The following CDH20 variants were observed in gnomAD, a reference collection of about 807,000 sequenced individuals.
CDH20 encodes the protein cadherin-20.
In CDH20, 29 loss-of-function variants were observed where a neutral mutation model predicts 74.2. That is an observed-to-expected ratio of 0.39 (90% confidence interval 0.29 to 0.53). The LOEUF is 0.53. CDH20 is among the 20% of genes least tolerant of loss of function. CDH20 has a pLI of 0.69. For synonymous variants in CDH20, 469 were observed against 405.4 expected (o/e 1.16, Z -1.88); for missense variants, 988 against 1,048.3 (o/e 0.94, Z 0.79).
intron 4 of CDH20, among the ~76,000 whole-genome samples, chr18:61,501,092 G>C (rs1246006481): frequency 2.0e-5 from 3 of 152,208 alleles, no homozygotes; most frequent in Non-Finnish European, 2.9e-5. Flanking sequence ...GACAGGTTTT[G>C]ATGAGGGAGG....
intron 6 of CDH20, among the ~76,000 whole-genome samples, chr18:61,526,242 C>T (rs1912408320): frequency 6.6e-6 from 1 of 150,588 alleles, no homozygotes; most frequent in South Asian, 2.1e-4. Context: ...GATTCTCCTG[C>T]CTCAGCCTCC....
At chr18:61,401,839 C>T (rs1239948821) in intron 1 of CDH20, among the ~76,000 whole-genome samples, 1 of 152,146 alleles carries the variant, frequency 6.6e-6, no homozygotes, top group Non-Finnish European at 1.5e-5. Flanking sequence ...TTACAAGAGA[C>T]TCTCCTTCAG....
intron 7 of CDH20, among the ~76,000 whole-genome samples, chr18:61,532,247 T>G (rs1912671268): frequency 6.6e-6 from 1 of 152,152 alleles, no homozygotes; most frequent in African/African-American, 2.4e-5. Context: ...TGAGTCCATA[T>G]AGGTGATGTG....
chr18:61,365,372 G>A (rs1041936142), intron 1 of CDH20, among the ~76,000 whole-genome samples: 2 of 152,164 alleles, frequency 1.3e-5, no homozygotes, highest in African/African-American at 4.8e-5. Flanking sequence ...AATGGTCCCA[G>A]ATGCTATGGG....
intron 1 of CDH20, among the ~76,000 whole-genome samples, chr18:61,371,950 C>T (rs1911058452): frequency 1.3e-5 from 2 of 152,018 alleles, no homozygotes; most frequent in South Asian, 2.1e-4. Flanking sequence ...TCATTTCTCC[C>T]TCATACTTTA....
At chr18:61,368,317 C>A (rs1910926704) in intron 1 of CDH20, among the ~76,000 whole-genome samples, 1 of 151,056 alleles carries the variant, frequency 6.6e-6, no homozygotes, top group South Asian at 2.1e-4. Context: ...CTCACTGTCT[C>A]CTTTTCTTTT....
At chr18:61,370,017 C>G (rs1910981852) in intron 1 of CDH20, among the ~76,000 whole-genome samples, 1 of 152,108 alleles carries the variant, frequency 6.6e-6, no homozygotes, top group South Asian at 2.1e-4. Flanking sequence ...CCCCATGACA[C>G]AAGTTTACCT....
At chr18:61,391,577 A>T (rs528269335) in intron 1 of CDH20, 2 of 152,304 alleles carry the variant, frequency 1.3e-5, no homozygotes. Flanking sequence ...CATTTTTGAA[A>T]TGTAGAGACA....
At chr18:61,512,125 CA>C (rs985297841) in intron 6 of CDH20, among the ~76,000 whole-genome samples, 1 of 152,054 alleles carries the variant, frequency 6.6e-6, no homozygotes, top group Non-Finnish European at 1.5e-5. Flanking sequence ...CATACTTTTT[CA>C]AAAAGAGGAA....
At chr18:61,531,831 T>C (rs1326988857) in intron 7 of CDH20, among the ~76,000 whole-genome samples, 1 of 152,178 alleles carries the variant, frequency 6.6e-6, no homozygotes, top group African/African-American at 2.4e-5. Context: ...TTGGCACTTA[T>C]TCTCTCTCCT....
At chr18:61,345,880 G>T (rs1910101067) in intron 1 of CDH20, among the ~76,000 whole-genome samples, 1 of 152,138 alleles carries the variant, frequency 6.6e-6, no homozygotes, top group African/African-American at 2.4e-5. Flanking sequence ...GACTAGGATT[G>T]ACATGGGAAG....
At position 61,386,892 on chromosome 18, in the gene CDH20, T is replaced by C. The variant is rs543302370; in HGVS notation, c.-153+53065T>C. 2.3e-4 allele frequency among the ~76,000 whole-genome samples: 35 copies of C among 152,306 alleles called. No homozygotes were observed. In the South Asian group the frequency reaches 6.0e-3, roughly 26 times the overall value. On this transcript the variant is annotated intron_variant, in intron 1 of 11. Transcript: ENST00000262717. Reference sequence around the variant, plus strand: ...AAGATTGAAAGTAAAATATATGAAATGTTGTGAGTCAATATTTCTGTGTGG... The same window carrying C: ...AAGATTGAAAGTAAAATATATGAAACGTTGTGAGTCAATATTTCTGTGTGG...
At chr18:61,483,084 T>G (rs1418947824) in intron 1 of CDH20, among the ~76,000 whole-genome samples, 3 of 152,184 alleles carry the variant, frequency 2.0e-5, no homozygotes, top group Non-Finnish European at 2.9e-5. Flanking sequence ...GTTCATATGT[T>G]CCCTTAAGCC....
At chr18:61,436,408 A>C (rs931295678) in intron 1 of CDH20, among the ~76,000 whole-genome samples, 1 of 152,156 alleles carries the variant, frequency 6.6e-6, no homozygotes, top group African/African-American at 2.4e-5. Context: ...CCACATCCTC[A>C]CCAACACTTG....
At chr18:61,397,992 T>G (rs1912039403) in intron 1 of CDH20, among the ~76,000 whole-genome samples, 1 of 152,228 alleles carries the variant, frequency 6.6e-6, no homozygotes, top group Admixed American at 6.5e-5. Flanking sequence ...TCCAAACAAA[T>G]GTAGTCTCCC....
chr18:61,458,643 A>G (rs930917292), intron 1 of CDH20, among the ~76,000 whole-genome samples: 1 of 152,214 alleles, frequency 6.6e-6, no homozygotes, highest in Non-Finnish European at 1.5e-5. Flanking sequence ...TCAGGATCTG[A>G]ACAGACGCTA....
chr18:61,445,401 T>A (rs1159514854), intron 1 of CDH20, among the ~76,000 whole-genome samples: 1 of 152,174 alleles, frequency 6.6e-6, no homozygotes, highest in Admixed American at 6.5e-5. Flanking sequence ...ATCTAATTGA[T>A]GCCAAAGCCT....
intron 1 of CDH20, among the ~76,000 whole-genome samples, chr18:61,380,683 C>T (rs1253985185): frequency 3.3e-5 from 5 of 152,174 alleles, no homozygotes; most frequent in African/African-American, 7.2e-5. Context: ...GTGGCACATG[C>T]CTGTAATCCC....
chr18:61,461,741 C>T (rs556781398), intron 1 of CDH20, among the ~76,000 whole-genome samples: 88 of 152,302 alleles, frequency 5.8e-4, no homozygotes, highest in African/African-American at 2.1e-3. Flanking sequence ...AGTAGAGGGG[C>T]TCAAGAGCCC....
Sources: gnomAD v4.1 joint callset for allele counts (sites outside exome capture counted in the v4.1 genomes callset) on GRCh38, gnomAD v4.1.1 for gene constraint, MANE v1.5 for transcripts, NCBI Gene and HGNC (gene_info 2026-07-23, HGNC 2026-07-21) for gene names.